The following SLC35F2 variants were observed in gnomAD, a reference collection of about 807,000 sequenced individuals.
SLC35F2 encodes the protein queuine/queuosine transporter SLC35F2.
SLC35F2 carries 25 observed loss-of-function variants against 38.1 expected under a neutral mutation model. The observed-to-expected ratio is 0.66, with a 90% confidence interval of 0.48 to 0.92. SLC35F2 has a LOEUF of 0.92. Among genes scored for constraint, SLC35F2 ranks in the 40% least tolerant of loss-of-function variants. The probability of loss-of-function intolerance (pLI) is 0.00; values close to 1 mark genes in which losing one functional copy is unlikely to be tolerated. For missense variants in SLC35F2, 409 were observed against 452.9 expected (o/e 0.90, Z 0.88); for synonymous variants, 173 against 181.7 (o/e 0.95, Z 0.38).
intron 1 of SLC35F2, among the ~76,000 whole-genome samples, chr11:107,834,338 G>A (rs1394242776): frequency 1.3e-5 from 2 of 152,156 alleles, no homozygotes; most frequent in African/African-American, 4.8e-5. Context: ...AATAGAGGAT[G>A]CATCCAAACG....
At chr11:107,792,885 A>T in intron 7 of SLC35F2, 85 bp from the exon 8 acceptor site, 1 of 1,408,546 alleles carries the variant, frequency 7.1e-7, no homozygotes. Flanking sequence ...TTCGAGGATT[A>T]CCCTCTCATA....
rs1037399425 is a variant in SLC35F2, at chr11:107,852,318, G to A, written c.110+6340C>T. ...TGTAATCCCAACACTTTGGGAGGCC[G>A]AGGCAGGCGAATCACGAGGTGAGGA... On this transcript the variant is annotated intron_variant, in intron 1 of 7. Transcript: ENST00000525815. 1.5e-4 allele frequency among the ~76,000 whole-genome samples: 23 copies of A among 151,992 alleles called. 1 individual carries two copies. The highest frequency in any genetic ancestry group is 4.3e-4 in the African/African-American group (18 of 41,388).
intron 1 of SLC35F2, among the ~76,000 whole-genome samples, chr11:107,844,965 G>C (rs1456305297): frequency 1.4e-5 from 2 of 138,462 alleles, no homozygotes; most frequent in African/African-American, 2.7e-5. Context: ...AACAGAGCGA[G>C]ACTCCATCTC....
chr11:107,825,198 A>G (rs186932368), intron 1 of SLC35F2, among the ~76,000 whole-genome samples: 52 of 152,240 alleles, frequency 3.4e-4, no homozygotes, highest in African/African-American at 1.2e-3. Flanking sequence ...ATTCATTTTC[A>G]TTTAAATAAC....
chr11:107,828,561 C>A (rs1859789806), intron 1 of SLC35F2, among the ~76,000 whole-genome samples: 1 of 152,012 alleles, frequency 6.6e-6, no homozygotes, highest in South Asian at 2.1e-4. Context: ...TAATGTTTAT[C>A]CTGCCCTTCT....
In SLC35F2 at chr11:107,804,848, T is replaced by C. The variant is rs1859368826; in HGVS notation, c.732-78A>G. 4 of 1,258,726 alleles carry C rather than the reference T, an allele frequency of 3.2e-6. No individual in the cohort carries two copies. In the Admixed American group the frequency reaches 6.7e-5, roughly 21 times the overall value. 78.0% of individuals were successfully genotyped at this position (1,258,726 alleles called of 1,614,324 possible). ...TTTATAAGCATTTTAGTCACTATACTTCAGCTAAAGTGAGGAATTACATGG... is the reference window on the plus strand; with the variant it reads ...TTTATAAGCATTTTAGTCACTATACCTCAGCTAAAGTGAGGAATTACATGG... On this transcript the variant is annotated intron_variant, in intron 5 of 7. Transcript: ENST00000525815.
At chr11:107,808,032 G>C (rs986454301) in intron 3 of SLC35F2, among the ~76,000 whole-genome samples, 3 of 152,218 alleles carry the variant, frequency 2.0e-5, no homozygotes, top group Non-Finnish European at 4.4e-5. Context: ...GTCCTTAGGA[G>C]CACACAAAGC....
intron 1 of SLC35F2, chr11:107,821,567 C>T: frequency 8.1e-6 from 8 of 985,408 alleles, no homozygotes; most frequent in African/African-American, 1.7e-5. Context: ...TATAGCTCCA[C>T]TTTCATGTTT....
intron 2 of SLC35F2, 99 bp from the exon 3 acceptor site, chr11:107,811,893 T>C: frequency 8.9e-7 from 1 of 1,126,530 alleles, no homozygotes. Context: ...TTCTTGTTTT[T>C]TTTTCTTTTT....
chr11:107,850,124 T>C (rs1860155232), intron 1 of SLC35F2, among the ~76,000 whole-genome samples: 2 of 151,968 alleles, frequency 1.3e-5, no homozygotes, highest in African/African-American at 4.8e-5. Context: ...AAATCAAGGG[T>C]GATTCTGTAG....
At chr11:107,797,276 G>A (rs1235929185) in intron 7 of SLC35F2, among the ~76,000 whole-genome samples, 1 of 134,670 alleles carries the variant, frequency 7.4e-6, no homozygotes, top group Non-Finnish European at 1.6e-5. Context: ...TTCAAATAAG[G>A]AGATGACAGC....
At chr11:107,805,103 C>A in intron 5 of SLC35F2, 1 of 985,382 alleles carries the variant, frequency 1.0e-6, no homozygotes, top group Non-Finnish European at 1.2e-6. Context: ...CTGGCAAATG[C>A]CTCTACCACA....
At chr11:107,810,260 A>G (rs1160847069) in intron 3 of SLC35F2, 2 of 985,282 alleles carry the variant, frequency 2.0e-6, no homozygotes, top group East Asian at 1.1e-4. Flanking sequence ...GGTTTTTCTA[A>G]GAGGCTAGCG....
intron 1 of SLC35F2, among the ~76,000 whole-genome samples, chr11:107,816,923 A>G (rs1859583185): frequency 6.6e-6 from 1 of 152,216 alleles, no homozygotes; most frequent in Non-Finnish European, 1.5e-5. Flanking sequence ...ACTAAGGCGT[A>G]TAACTAAAAA....
intron 5 of SLC35F2, chr11:107,805,090 T>A (rs1859371761): frequency 1.0e-6 from 1 of 985,400 alleles, no homozygotes; most frequent in Non-Finnish European, 1.2e-6. Flanking sequence ...AAAAAACTCC[T>A]TACTGGCAAA....
intron 7 of SLC35F2, among the ~76,000 whole-genome samples, chr11:107,795,220 G>C (rs182524521): frequency 6.6e-6 from 1 of 152,104 alleles, no homozygotes; most frequent in East Asian, 1.9e-4. Flanking sequence ...CCACAAAAGG[G>C]CCCAAATAGC....
chr11:107,855,125 G>C (rs561944675), intron 1 of SLC35F2, among the ~76,000 whole-genome samples: 1 of 152,288 alleles, frequency 6.6e-6, no homozygotes, highest in Non-Finnish European at 1.5e-5. Flanking sequence ...ATGGCTGCCA[G>C]AGGTAGGAAT....
At chr11:107,829,737 G>T in intron 1 of SLC35F2, among the ~76,000 whole-genome samples, 1 of 148,898 alleles carries the variant, frequency 6.7e-6, no homozygotes. Context: ...CCAGGTCCAT[G>T]AAAATATTCT....
chr11:107,810,577 G>T, intron 3 of SLC35F2: 1 of 985,192 alleles, frequency 1.0e-6, no homozygotes, highest in Non-Finnish European at 1.2e-6. Flanking sequence ...TAACTGCTGG[G>T]TTTAATTTTT....
Sources: gnomAD v4.1 joint callset for allele counts (sites outside exome capture counted in the v4.1 genomes callset) on GRCh38, gnomAD v4.1.1 for gene constraint, MANE v1.5 for transcripts, NCBI Gene and HGNC (gene_info 2026-07-23, HGNC 2026-07-21) for gene names.